The following CENPA variants were observed in gnomAD, a reference collection of about 807,000 sequenced individuals.
CENPA encodes centromere protein A.
Under a neutral mutation model 17.2 loss-of-function variants are expected in CENPA, and 7 were observed. The ratio of observed to expected loss-of-function variants is 0.41; its 90% confidence interval spans 0.23 to 0.76. CENPA has a LOEUF of 0.76. Among genes scored for constraint, CENPA ranks in the 30% least tolerant of loss-of-function variants. The probability of loss-of-function intolerance (pLI) is 0.34; values close to 1 mark genes in which losing one functional copy is unlikely to be tolerated. For synonymous variants in CENPA, 82 were observed against 77.4 expected (o/e 1.06, Z -0.31); for missense variants, 149 against 193.1 (o/e 0.77, Z 1.35).
At position 26,792,744 on chromosome 2, in the gene CENPA, A is replaced by C. The variant is rs752747368; in HGVS notation, c.211-12A>C. Reference sequence around the variant, plus strand: ...CCTACTCCTACTCCTCCCCTTCCCCACTCCTTCACAGGCAAGAGAAATATG... The same window carrying C: ...CCTACTCCTACTCCTCCCCTTCCCCCCTCCTTCACAGGCAAGAGAAATATG... On this transcript the variant is annotated splice_polypyrimidine_tract_variant and intron_variant, in intron 2 of 4. Transcript: ENST00000335756. 1 of 1,391,510 alleles carries C rather than the reference A, an allele frequency of 7.2e-7. No individual in the cohort carries two copies. The highest frequency in any genetic ancestry group is 1.0e-6 in the Non-Finnish European group (1 of 994,266). 86.2% of individuals were successfully genotyped at this position (1,391,510 alleles called of 1,614,324 possible).
At chr2:26,792,415 A>G in intron 2 of CENPA, 175 bp downstream of exon 2, 1 of 699,458 alleles carries the variant, frequency 1.4e-6, no homozygotes. Flanking sequence ...GTAATTCTTT[A>G]TGGAATTGAT....
At chr2:26,790,023 T>C (rs1664586322) in intron 1 of CENPA, among the ~76,000 whole-genome samples, 1 of 152,270 alleles carries the variant, frequency 6.6e-6, no homozygotes, top group Non-Finnish European at 1.5e-5. Context: ...TACTAAATTT[T>C]TGATCCCAGT....
intron 1 of CENPA, among the ~76,000 whole-genome samples, chr2:26,788,249 T>C (rs1386910050): frequency 6.6e-6 from 1 of 152,184 alleles, no homozygotes; most frequent in Non-Finnish European, 1.5e-5. Flanking sequence ...CCTCCTGGGC[T>C]CATGCAGTCC....
chr2:26,793,982 A>G lies in CENPA; in HGVS notation c.*218A>G, dbSNP rs1664669285. 2 of 152,230 alleles carry G rather than the reference A, an allele frequency of 1.3e-5. No individual in the cohort carries two copies. 9.4% of individuals were successfully genotyped at this position (152,230 alleles called of 1,614,324 possible). ...CTCTGTAACAGAGGTAATATATGAGACAATCAACACCGTTCCAAAGGCCTG... is the reference window on the plus strand; with the variant it reads ...CTCTGTAACAGAGGTAATATATGAGGCAATCAACACCGTTCCAAAGGCCTG... On this transcript the variant is annotated 3_prime_UTR_variant, in exon 5 of 5. Coordinates refer to ENST00000335756, the MANE Select transcript of CENPA (RefSeq NM_001809.4).
intron 1 of CENPA, among the ~76,000 whole-genome samples, 171 bp downstream of exon 1, chr2:26,786,467 A>T (rs998372086): frequency 3.9e-5 from 6 of 152,254 alleles, no homozygotes; most frequent in Admixed American, 3.9e-4. Context: ...GGGCTGGAGC[A>T]GGCGGTTCCG....
chr2:26,788,208 G>A (rs972898301), intron 1 of CENPA, among the ~76,000 whole-genome samples: 5 of 152,178 alleles, frequency 3.3e-5, no homozygotes, highest in Non-Finnish European at 5.9e-5. Flanking sequence ...CTGTAGTGCA[G>A]TGGTGCTATC....
chr2:26,793,057 C>T, intron 3 of CENPA, 88 bp from the exon 4 acceptor site: 1 of 1,527,314 alleles, frequency 6.5e-7, no homozygotes, highest in South Asian at 1.2e-5. Flanking sequence ...ATCCTTTGAG[C>T]CCTCAGAGAT....
Position 26,793,276 on chromosome 2 carries a change from C to T in CENPA, c.420C>T (p.Gly140=), listed in dbSNP as rs2148068633. Residue 140 remains glycine (G), a synonymous_variant, in exon 4 of 5, where the codon GGC becomes GGT. Transcript: ENST00000335756. ...TCCGGGGCCTTGAGGAGGGACTCGG[C>T]TGAGCTCCTGCACCCAGTGTTTCTG... ...RRIRGLEEGL[G] 27 of 1,613,840 alleles carry T rather than the reference C, an allele frequency of 1.7e-5. No individual in the cohort carries two copies. Among genetic ancestry groups the T allele is most frequent in the Non-Finnish European group, 2.3e-5 (27 of 1,180,004 alleles).
rs1284345967 is a variant in CENPA at position 26,793,205 on chromosome 2, G to A, written c.349G>A (p.Gly117Ser). Residue 117 changes from glycine to serine, a missense_variant, in exon 4 of 5, where the codon GGC (glycine) becomes AGC (serine). This residue lies in a region of CENPA where 54 missense variants were observed against 105.7 expected (regional missense o/e 0.51). Coordinates refer to ENST00000335756, the MANE Select transcript of CENPA (RefSeq NM_001809.4). ...EDAYLLTLHAGRVTLFPKDVQ... is the reference protein window; with the variant it reads ...EDAYLLTLHASRVTLFPKDVQ... The stretch of plus-strand genomic sequence containing the variant: ...CGCCTATCTCCTCACCTTACATGCA[G>A]GCCGAGTTACTCTCTTCCCAAAGGA... 7 of 1,614,130 alleles carry A rather than the reference G, an allele frequency of 4.3e-6. No individual in the cohort carries two copies. The highest frequency in any genetic ancestry group is 5.9e-6 in the Non-Finnish European group (7 of 1,180,022).
At chr2:26,789,802 G>A (rs1252417723) in intron 1 of CENPA, among the ~76,000 whole-genome samples, 1 of 149,940 alleles carries the variant, frequency 6.7e-6, no homozygotes, top group East Asian at 2.0e-4. Flanking sequence ...GCTCCCACTA[G>A]CCTAGTCCAA....
In CENPA at chr2:26,794,174, T is replaced by G. The variant is rs1469545055; in HGVS notation, c.*410T>G. On this transcript the variant is annotated 3_prime_UTR_variant, in exon 5 of 5. Transcript: ENST00000335756. The stretch of plus-strand genomic sequence containing the variant: ...TAATATTTACATTTTTTACCATATG[T>G]ACATTTGTACTTTTATTTTACACAT... 6.6e-6 allele frequency: 1 copy of G among 152,286 alleles called. No individual in the cohort carries two copies. Among genetic ancestry groups the G allele is most frequent in the Non-Finnish European group, 1.5e-5 (1 of 68,052 alleles). 9.4% of individuals were successfully genotyped at this position (152,286 alleles called of 1,614,324 possible).
At chr2:26,792,929 T>G in intron 3 of CENPA, 96 bp downstream of exon 3, 1 of 1,314,298 alleles carries the variant, frequency 7.6e-7, no homozygotes, top group Non-Finnish European at 1.1e-6. Flanking sequence ...ACATGCTGAA[T>G]CTGACCTCTG....
At chr2:26,792,084 G>A (rs1664627149) in intron 1 of CENPA, 47 bp from the exon 2 acceptor site, 1 of 1,534,690 alleles carries the variant, frequency 6.5e-7, no homozygotes, top group Admixed American at 1.8e-5. Flanking sequence ...CAGCCAAGCT[G>A]CGAGGCACCA....
intron 1 of CENPA, among the ~76,000 whole-genome samples, chr2:26,789,443 C>T (rs1664576695): frequency 6.6e-6 from 1 of 152,008 alleles, no homozygotes; most frequent in Admixed American, 6.6e-5. Context: ...TTTCTACCCC[C>T]TCCCTAGGTG....
chr2:26,794,255 C>T lies in CENPA; in HGVS notation c.*491C>T, dbSNP rs1664674244. 1 of 152,260 alleles carries T rather than the reference C, an allele frequency of 6.6e-6. No homozygotes were observed. The highest frequency in any genetic ancestry group is 2.4e-5 in the African/African-American group (1 of 41,468). The allele number at this position is 152,260 out of a possible 1,614,324, so 9.4% of individuals were successfully genotyped here. On this transcript the variant is annotated 3_prime_UTR_variant, in exon 5 of 5. Coordinates refer to ENST00000335756, the MANE Select transcript of CENPA (RefSeq NM_001809.4). ...TGCCTGGAAGGCTGGGCATTTCCAT[C>T]ATATAGACCTCTGCCCTTCAGAGTA... is the stretch of plus-strand genomic sequence containing the variant.
At position 26,793,310 on chromosome 2, in the gene CENPA, T is replaced by C. The variant is rs1415861779; in HGVS notation, c.*31T>C. 16 of 1,611,658 alleles carry C rather than the reference T, an allele frequency of 9.9e-6. No individual in the cohort carries two copies. Among genetic ancestry groups the C allele is most frequent in the Non-Finnish European group, 1.4e-5 (16 of 1,179,404 alleles). On this transcript the variant is annotated 3_prime_UTR_variant, in exon 4 of 5. Transcript: ENST00000335756. ...TGCACCCAGTGTTTCTGTCAGTCTTTCCTGCTCAGCCAGGGGGTAAGCTCA... is the reference window on the plus strand; with the variant it reads ...TGCACCCAGTGTTTCTGTCAGTCTTCCCTGCTCAGCCAGGGGGTAAGCTCA...
rs1329362415 is a variant in CENPA at position 26,792,236 on chromosome 2, G to A, written c.206G>A (p.Arg69His). The A allele has an allele frequency of 6.8e-6, 11 of 1,612,252 alleles. No homozygotes were observed. Among genetic ancestry groups the A allele is most frequent in the Admixed American group, 1.7e-5 (1 of 59,714 alleles). ...TTGATAAGGAAGCTGCCCTTCAGCC[G>A]CCTGGTAAGCTCCGGGAGCTTCCCA... ...HLLIRKLPFSRLAREICVKFT... is the reference protein window; with the variant it reads ...HLLIRKLPFSHLAREICVKFT... Residue 69 changes from arginine (R) to histidine (H), a missense_variant, in exon 2 of 5, where the codon CGC becomes CAC. This residue lies in a region of CENPA where 54 missense variants were observed against 105.7 expected (regional missense o/e 0.51). Transcript: ENST00000335756.
In CENPA at chr2:26,792,740, C is replaced by T. The variant is rs1418309571; in HGVS notation, c.211-16C>T. ...ACTCCCTACTCCTACTCCTCCCCTT[C>T]CCCACTCCTTCACAGGCAAGAGAAA... On this transcript the variant is annotated splice_polypyrimidine_tract_variant and intron_variant, in intron 2 of 4. Transcript: ENST00000335756. 9.4e-6 allele frequency: 15 copies of T among 1,597,032 alleles called. No homozygotes were observed. The highest frequency in any genetic ancestry group is 1.3e-5 in the Non-Finnish European group (15 of 1,164,320).
In CENPA at chr2:26,793,125, TTTTCTC is replaced by T. The variant is rs781011731; in HGVS notation, c.289-14_289-9del. ...CGTGGCCCTTCATCTGTGTCCGTCT[TTTTCTC>T]TTTCTGTCTCCAGGCAGCAGAAGCA... On this transcript the variant is annotated splice_polypyrimidine_tract_variant and intron_variant, in intron 3 of 4. Transcript: ENST00000335756. The T allele has an allele frequency of 8.7e-6, 14 of 1,613,420 alleles. No homozygotes were observed. In the African/African-American group the frequency reaches 1.6e-4, roughly 18 times the overall value.
Sources: gnomAD v4.1 joint callset for allele counts (sites outside exome capture counted in the v4.1 genomes callset) on GRCh38, gnomAD v4.1.1 for gene constraint, gnomAD v4.1.1 regional missense constraint, MANE v1.5 for transcripts, NCBI Gene and HGNC (gene_info 2026-07-23, HGNC 2026-07-21) for gene names.